The following PPM1E variants were observed in gnomAD, a reference collection of about 807,000 sequenced individuals.
The protein encoded by PPM1E is protein phosphatase, Mg2+/Mn2+ dependent 1E, also known as protein phosphatase 1E.
A neutral mutation model predicts 65.9 loss-of-function variants in PPM1E; 20 were observed. The ratio of observed to expected loss-of-function variants is 0.30; its 90% CI spans 0.21 to 0.44. The LOEUF (loss-of-function observed/expected upper bound fraction) is 0.44, where lower values mean the gene tolerates loss of function less well. PPM1E is among the 20% of genes least tolerant of loss of function. The probability of loss-of-function intolerance (pLI) is 1.00; values close to 1 mark genes in which losing one functional copy is unlikely to be tolerated. For missense variants in PPM1E, 713 were observed against 953.1 expected, an observed-to-expected ratio of 0.75 and a Z score of 3.32; for synonymous variants, 352 against 374.9, an observed-to-expected ratio of 0.94 and a Z score of 0.70.
chr17:58,798,467 C>T (rs2050227963), intron 1 of PPM1E, among the ~76,000 whole-genome samples: 1 of 151,322 alleles, frequency 6.6e-6, no homozygotes, highest in South Asian at 2.1e-4. Context: ...TTGTGATCCA[C>T]CCGCCTTAGC....
rs1163236058 is a variant in PPM1E, at chr17:58,984,680, AAAGT to A, written c.*3653_*3656del. On this transcript the variant is annotated 3_prime_UTR_variant, in exon 7 of 7. Transcript: ENST00000308249. ...ATAGCTTAAATGTCTCTTGCAAAAC[AAAGT>A]AAGATACCACCAGTATTACAACACA... The A allele has an allele frequency of 3.3e-5, 5 of 152,672 alleles. No homozygotes were observed. The highest frequency in any genetic ancestry group is 1.2e-4 in the African/African-American group (5 of 41,470). The allele number at this position is 152,672 out of a possible 1,614,324, so 9.5% of individuals were successfully genotyped here.
intron 1 of PPM1E, among the ~76,000 whole-genome samples, chr17:58,894,453 CT>C (rs1279760284): frequency 1.3e-5 from 2 of 152,100 alleles, no homozygotes; most frequent in Non-Finnish European, 2.9e-5. Flanking sequence ...GCCATGACTG[CT>C]AGTATAGTTT....
At chr17:58,890,341 G>A (rs1051419788) in intron 1 of PPM1E, among the ~76,000 whole-genome samples, 14 of 152,190 alleles carry the variant, frequency 9.2e-5, no homozygotes, top group African/African-American at 2.6e-4. Flanking sequence ...CATGGGGAAC[G>A]TTGTAAACAG....
chr17:58,928,702 ATTT>A (rs138970237), intron 1 of PPM1E, among the ~76,000 whole-genome samples: 1 of 140,470 alleles, frequency 7.1e-6, no homozygotes. Context: ...TCACACACGA[ATTT>A]TTTTTTTTTT....
At chr17:58,894,925 G>A (rs1490045953) in intron 1 of PPM1E, among the ~76,000 whole-genome samples, 1 of 151,970 alleles carries the variant, frequency 6.6e-6, no homozygotes, top group Non-Finnish European at 1.5e-5. Context: ...TTGCTTTATT[G>A]CTCTTCACAG....
At chr17:58,968,066 T>G (rs1341659736) in intron 3 of PPM1E, among the ~76,000 whole-genome samples, 2 of 152,160 alleles carry the variant, frequency 1.3e-5, no homozygotes, top group Non-Finnish European at 2.9e-5. Flanking sequence ...CCTCTCAAAG[T>G]GCTGGAATTA....
chr17:58,821,756 G>A (rs1384758893), intron 1 of PPM1E, among the ~76,000 whole-genome samples: 1 of 152,110 alleles, frequency 6.6e-6, no homozygotes, highest in Non-Finnish European at 1.5e-5. Flanking sequence ...GAGACTCCAG[G>A]GGTTGGAGAA....
At chr17:58,881,967 C>T (rs2051199840) in intron 1 of PPM1E, among the ~76,000 whole-genome samples, 1 of 143,856 alleles carries the variant, frequency 7.0e-6, no homozygotes, top group Non-Finnish European at 1.5e-5. Context: ...TGAGACCAGC[C>T]TGGGCAACAT....
chr17:58,883,628 C>T (rs1019144455), intron 1 of PPM1E, among the ~76,000 whole-genome samples: 7 of 150,792 alleles, frequency 4.6e-5, no homozygotes, highest in Non-Finnish European at 7.4e-5. Context: ...GGACTACAGG[C>T]GCCCGCCACC....
At chr17:58,811,012 T>C (rs548935289) in intron 1 of PPM1E, among the ~76,000 whole-genome samples, 2 of 152,126 alleles carry the variant, frequency 1.3e-5, no homozygotes, top group African/African-American at 2.4e-5. Context: ...CACGCGCTAC[T>C]ATGCCTGGAA....
At chr17:58,770,879 G>T (rs1671366535) in intron 1 of PPM1E, among the ~76,000 whole-genome samples, 3 of 147,044 alleles carry the variant, frequency 2.0e-5, no homozygotes, top group South Asian at 4.3e-4. Context: ...TTTTTTTTAG[G>T]CGGAGTCTCA....
In PPM1E at chr17:58,983,031, G is replaced by GTAA; in HGVS notation, c.*2002_*2004dup. ...TTAAAATTTCTATTGTTGTCTATTGGTAATGTTTTTGATCAGAATAAAGAG... is the reference window on the plus strand; with the variant it reads ...TTAAAATTTCTATTGTTGTCTATTGGTAATAATGTTTTTGATCAGAATAAAGAG... On this transcript the variant is annotated 3_prime_UTR_variant, in exon 7 of 7. Transcript: ENST00000308249. 2 of 1,031,396 alleles carry GTAA rather than the reference G, an allele frequency of 1.9e-6. No homozygotes were observed. The highest frequency in any genetic ancestry group is 2.9e-6 in the Non-Finnish European group (2 of 701,144). The allele number at this position is 1,031,396 out of a possible 1,614,324, so 63.9% of individuals were successfully genotyped here.
At chr17:58,940,733 C>G (rs780673341) in intron 1 of PPM1E, among the ~76,000 whole-genome samples, 5 of 151,886 alleles carry the variant, frequency 3.3e-5, no homozygotes, top group Admixed American at 3.3e-4. Context: ...TTTGAGACAG[C>G]CTCACTCCAT....
chr17:58,933,813 A>C (rs1420140269), intron 1 of PPM1E, among the ~76,000 whole-genome samples: 3 of 147,632 alleles, frequency 2.0e-5, no homozygotes, highest in African/African-American at 7.6e-5. Context: ...AAAAAAAAAA[A>C]AGGCTGGGCG....
At position 58,984,962 on chromosome 17, in the gene PPM1E, A is replaced by G. The variant is rs1048147752; in HGVS notation, c.*3931A>G. 1 of 152,648 alleles carries G rather than the reference A, an allele frequency of 6.6e-6. No homozygotes were observed. The highest frequency in any genetic ancestry group is 2.4e-5 in the African/African-American group (1 of 41,450). 9.5% of individuals were successfully genotyped at this position (152,648 alleles called of 1,614,324 possible). On this transcript the variant is annotated 3_prime_UTR_variant, in exon 7 of 7. Transcript: ENST00000308249. ...CAGGCTTTGTTCTCTTGTTCATAAC[A>G]TTTCTCTGCAAAGAATTCTCTATGG...
At chr17:58,767,079 A>C (rs926688554) in intron 1 of PPM1E, among the ~76,000 whole-genome samples, 1 of 152,176 alleles carries the variant, frequency 6.6e-6, no homozygotes, top group South Asian at 2.1e-4. Flanking sequence ...TTTCTGTAAG[A>C]GTTAACAGTG....
At chr17:58,967,799 A>C (rs12947785) in intron 3 of PPM1E, among the ~76,000 whole-genome samples, 95,047 of 148,364 alleles carry the variant, frequency 0.64, 30,657 homozygotes, top group African/African-American at 0.72. Flanking sequence ...AGCATTCTTT[A>C]TTTCTTTTTT....
intron 3 of PPM1E, among the ~76,000 whole-genome samples, chr17:58,968,330 C>T (rs916481230): frequency 5.9e-5 from 9 of 152,064 alleles, no homozygotes; most frequent in Non-Finnish European, 1.0e-4. Context: ...GAGGCTGAGG[C>T]GGGATGATCC....
At chr17:58,931,083 A>AAAAAG (rs1555620605) in intron 1 of PPM1E, among the ~76,000 whole-genome samples, 12 of 141,350 alleles carry the variant, frequency 8.5e-5, no homozygotes, top group Non-Finnish European at 1.7e-4. Flanking sequence ...AAAAAAAAAA[A>AAAAAG]AAAGAAAGAA....
Sources: gnomAD v4.1 joint callset for allele counts (sites outside exome capture counted in the v4.1 genomes callset) on GRCh38, gnomAD v4.1.1 for gene constraint, MANE v1.5 for transcripts, NCBI Gene and HGNC (gene_info 2026-07-23, HGNC 2026-07-21) for gene names.